Variants in CTH observed in about 807,000 individuals in gnomAD.
CTH encodes cystathionine gamma-lyase, also known as cystathionase (cystathionine gamma-lyase).
Under a neutral mutation model 50.6 loss-of-function variants are expected in CTH, and 41 were observed. The ratio of observed to expected loss-of-function variants is 0.81; its 90% CI spans 0.63 to 1.05. The LOEUF is 1.05. CTH is among the 50% of genes least tolerant of loss of function. The pLI is 0.00. For synonymous variants in CTH, 156 were observed against 168.9 expected, an observed-to-expected ratio of 0.92 and a Z score of 0.59; for missense variants, 470 against 492.6, an observed-to-expected ratio of 0.95 and a Z score of 0.43.
intron 9 of CTH, 46 bp downstream of exon 9, chr1:70,433,995 C>T (rs758658097): frequency 1.9e-6 from 3 of 1,610,008 alleles, no homozygotes; most frequent in South Asian, 2.2e-5. Flanking sequence ...TAAGGCCTTA[C>T]AGCAGTTCAC....
intron 5 of CTH, among the ~76,000 whole-genome samples, chr1:70,428,236 G>A (rs1399090264): frequency 2.0e-5 from 3 of 152,102 alleles, no homozygotes; most frequent in Non-Finnish European, 2.9e-5. Context: ...GGGAAGGGAG[G>A]GTGGAGGTGG....
intron 1 of CTH, among the ~76,000 whole-genome samples, chr1:70,414,248 T>TCA (rs1363102533): frequency 2.0e-5 from 3 of 147,204 alleles, no homozygotes; most frequent in Non-Finnish European, 4.5e-5. Flanking sequence ...GCGCGGTGGC[T>TCA]CACGCCTGTA....
chr1:70,420,078 C>T (rs1027697242), intron 3 of CTH, among the ~76,000 whole-genome samples: 36 of 151,626 alleles, frequency 2.4e-4, no homozygotes, highest in Middle Eastern at 3.4e-3. Context: ...CTGCAACCTC[C>T]GCTTCCCGGG....
chr1:70,425,973 C>T (rs1684338677), intron 5 of CTH, among the ~76,000 whole-genome samples: 1 of 152,128 alleles, frequency 6.6e-6, no homozygotes, highest in Admixed American at 6.5e-5. Flanking sequence ...GGCCCACCTC[C>T]TAATCATACT....
intron 9 of CTH, among the ~76,000 whole-genome samples, chr1:70,434,311 AC>A (rs1331468715): frequency 2.6e-5 from 4 of 152,082 alleles, no homozygotes; most frequent in Non-Finnish European, 5.9e-5. Flanking sequence ...GGCTTTCCAA[AC>A]CCTGTGCCTC....
chr1:70,426,294 C>T (rs1252884628), intron 5 of CTH, among the ~76,000 whole-genome samples: 2 of 152,176 alleles, frequency 1.3e-5, no homozygotes, highest in African/African-American at 2.4e-5. Flanking sequence ...TTAGGAGATA[C>T]CTTCTTCCTG....
intron 5 of CTH, among the ~76,000 whole-genome samples, chr1:70,428,804 G>A (rs1038654471): frequency 1.3e-5 from 2 of 151,912 alleles, no homozygotes; most frequent in Admixed American, 6.6e-5. Flanking sequence ...GTAGAGATAG[G>A]GTTTCACCAT....
At chr1:70,413,844 T>C (rs1344120946) in intron 1 of CTH, among the ~76,000 whole-genome samples, 1 of 149,480 alleles carries the variant, frequency 6.7e-6, no homozygotes, top group Admixed American at 6.8e-5. Flanking sequence ...TGGGTTCAAG[T>C]AATTCTCCTA....
Position 70,424,328 on chromosome 1 carries a change from T to C in CTH, c.500T>C (p.Ile167Thr), listed in dbSNP as rs1228474597. The change falls in exon 5 of 12, where the codon ATT becomes ACT. Residue 167 changes from isoleucine (I) to threonine (T), a missense_variant. Ile to Thr is a moderately conservative substitution (Grantham distance 89, BLOSUM62 -1). Transcript: ENST00000370938. ...CCCACAAACCCCACCCAGAAGGTGA[T>C]TGACATTGAAGGCTGTGCACATATT... is the stretch of plus-strand genomic sequence containing the variant. ...ETPTNPTQKVIDIEGCAHIVH... is the reference protein window; with the variant it reads ...ETPTNPTQKVTDIEGCAHIVH... The C allele has an allele frequency of 1.2e-5, 20 of 1,614,152 alleles. No homozygotes were observed. Among genetic ancestry groups the C allele is most frequent in the Non-Finnish European group, 1.6e-5 (19 of 1,179,998 alleles).
chr1:70,430,415 G>T, intron 7 of CTH, 21 bp downstream of exon 7: 1 of 1,251,192 alleles, frequency 8.0e-7, no homozygotes, highest in South Asian at 1.2e-5. Flanking sequence ...AAAAGTGCAG[G>T]TTCCCTATGA....
rs1015528392 is a variant in CTH, at chr1:70,439,806, A to C, written c.*679A>C. ...TAAAAATGCAAAAAAAATTAGACGG[A>C]CGTGGTGGCGGGTGCCTGTAGTCCC... On this transcript the variant is annotated 3_prime_UTR_variant, in exon 12 of 12. Coordinates refer to ENST00000370938, the MANE Select transcript of CTH (RefSeq NM_001902.6). 6.6e-6 allele frequency: 1 copy of C among 152,240 alleles called. No homozygotes were observed. The highest frequency in any genetic ancestry group is 2.4e-5 in the African/African-American group (1 of 41,516). The allele number at this position is 152,240 out of a possible 1,614,324, so 9.4% of individuals were successfully genotyped here.
At chr1:70,436,832 C>T (rs1012874217) in intron 10 of CTH, among the ~76,000 whole-genome samples, 4 of 152,156 alleles carry the variant, frequency 2.6e-5, no homozygotes, top group African/African-American at 7.2e-5. Context: ...ATGTGTATTA[C>T]GTTAAGACTC....
intron 8 of CTH, 104 bp from the exon 9 acceptor site, chr1:70,433,724 T>C: frequency 6.5e-7 from 1 of 1,533,004 alleles, no homozygotes; most frequent in Admixed American, 1.8e-5. Flanking sequence ...ATCCTCGTCT[T>C]AGGCTTATTT....
At position 70,439,663 on chromosome 1, in the gene CTH, A is replaced by T. The variant is rs1684679384; in HGVS notation, c.*536A>T. The T allele has an allele frequency of 6.4e-6, 1 of 157,290 alleles. No homozygotes were observed. Among genetic ancestry groups the T allele is most frequent in the Admixed American group, 6.3e-5 (1 of 15,804 alleles). The allele number at this position is 157,290 out of a possible 1,614,324, so 9.7% of individuals were successfully genotyped here. A position where few individuals can be genotyped will look rare whatever the true frequency, so the allele number is the denominator to read the frequency against. On this transcript the variant is annotated 3_prime_UTR_variant, in exon 12 of 12. Coordinates refer to ENST00000370938, the MANE Select transcript of CTH (RefSeq NM_001902.6). ...CTTAATATTTTTAAAAAAATAAATCAGCTGGGCGCGGTGGCTCACGCATGT... is the reference window on the plus strand; with the variant it reads ...CTTAATATTTTTAAAAAAATAAATCTGCTGGGCGCGGTGGCTCACGCATGT...
intron 1 of CTH, among the ~76,000 whole-genome samples, chr1:70,413,153 C>T (rs922088571): frequency 6.6e-6 from 1 of 152,096 alleles, no homozygotes; most frequent in Non-Finnish European, 1.5e-5. Flanking sequence ...CAGACAGTCC[C>T]TTGTTTTGTG....
rs535390273 is a variant in CTH, at chr1:70,435,458, A to G, written c.1052+281A>G. On this transcript the variant is annotated intron_variant, in intron 10 of 11. Coordinates refer to ENST00000370938, the MANE Select transcript of CTH (RefSeq NM_001902.6). ...TGTATTCTAGGATCTCTGATCTCTG[A>G]CCTCTAAGCAAGGGCCACATGTTCT... Among the ~76,000 whole-genome samples, 5 of 152,088 alleles carry G rather than the reference A, an allele frequency of 3.3e-5. No homozygotes were observed. In the South Asian group the frequency reaches 1.0e-3, roughly 32 times the overall value.
At chr1:70,438,652 T>A (rs1684648762) in intron 10 of CTH, 36 bp from the exon 11 acceptor site, 1 of 1,612,720 alleles carries the variant, frequency 6.2e-7, no homozygotes, top group Non-Finnish European at 8.5e-7. Context: ...ACTGACACAA[T>A]ATAGTGATCA....
At chr1:70,425,735 G>C (rs1684332955) in intron 5 of CTH, among the ~76,000 whole-genome samples, 1 of 152,132 alleles carries the variant, frequency 6.6e-6, no homozygotes, top group Non-Finnish European at 1.5e-5. Flanking sequence ...GGGGGAAGGT[G>C]CTACACACTT....
intron 5 of CTH, among the ~76,000 whole-genome samples, chr1:70,425,161 GT>G: frequency 6.6e-6 from 1 of 152,162 alleles, no homozygotes. Context: ...TCTTCTTCTA[GT>G]TTTTATTCCT....
Sources: allele counts gnomAD v4.1 joint callset (sites outside exome capture counted in the v4.1 genomes callset), GRCh38; gene constraint gnomAD v4.1.1; transcripts MANE v1.5; gene names NCBI Gene and HGNC (gene_info 2026-07-23, HGNC 2026-07-21).